The following APC variants were observed in gnomAD, a reference collection of about 807,000 sequenced individuals.
APC encodes the protein adenomatous polyposis coli protein.
A neutral mutation model predicts 247.0 loss-of-function variants in APC; 72 were observed. The observed-to-expected ratio is 0.29, with a 90% CI of 0.24 to 0.35. The LOEUF (loss-of-function observed/expected upper bound fraction) is 0.35, where lower values mean the gene tolerates loss of function less well. Ranked by LOEUF, APC falls within the 10% of genes least tolerant of loss-of-function variation. APC has a pLI of 1.00. For synonymous variants in APC, 1,254 were observed against 1,162.5 expected (o/e 1.08, Z -1.60); for missense variants, 3,400 against 3,360.7 (o/e 1.01, Z -0.29).
At chr5:112,770,980 G>C (rs538221768) in intron 4 of APC, among the ~76,000 whole-genome samples, 4 of 152,146 alleles carry the variant, frequency 2.6e-5, no homozygotes, top group African/African-American at 7.2e-5. Context: ...TGTTAAGACT[G>C]TTAACAGTTA....
intron 1 of APC, among the ~76,000 whole-genome samples, chr5:112,742,759 A>T (rs1465879518): frequency 6.6e-6 from 1 of 152,178 alleles, no homozygotes; most frequent in Non-Finnish European, 1.5e-5. Context: ...TCTTTATTAG[A>T]TATGAGTCAC....
intron 8 of APC, among the ~76,000 whole-genome samples, chr5:112,809,227 A>G (rs1265348311): frequency 2.6e-5 from 4 of 151,606 alleles, no homozygotes; most frequent in South Asian, 2.1e-4. Flanking sequence ...GCGTGGTGGC[A>G]TGTGCCTGAG....
At chr5:112,835,801 G>A (rs1399353775) in intron 15 of APC, among the ~76,000 whole-genome samples, 1 of 151,664 alleles carries the variant, frequency 6.6e-6, no homozygotes, top group Non-Finnish European at 1.5e-5. Context: ...TTGAACTCCT[G>A]GCCTCCAGTG....
chr5:112,811,165 G>A (rs199744971), intron 8 of APC, among the ~76,000 whole-genome samples: 1 of 152,222 alleles, frequency 6.6e-6, no homozygotes, highest in East Asian at 1.9e-4. Flanking sequence ...AGTTGGATAG[G>A]AAAAAGGACA....
chr5:112,729,017 C>A (rs573565483), intron 1 of APC, among the ~76,000 whole-genome samples: 1 of 152,256 alleles, frequency 6.6e-6, no homozygotes, highest in Non-Finnish European at 1.5e-5. Flanking sequence ...TCTCTGAAAT[C>A]TTTTTTGATT....
Position 112,837,784 on chromosome 5 carries a change from G to A in APC, c.2190G>A (p.Met730Ile), listed in dbSNP as rs1281171015. The A allele has an allele frequency of 6.2e-7, 1 of 1,614,022 alleles. No individual in the cohort carries two copies. Among genetic ancestry groups the A allele is most frequent in the Admixed American group, 1.7e-5 (1 of 60,014 alleles). The change falls in exon 16 of 16, where the codon ATG becomes ATA. Residue 730 changes from methionine to isoleucine, a missense_variant. Coordinates refer to ENST00000257430, the MANE Select transcript of APC (RefSeq NM_000038.6). ...GTGCTGCAGCTTTAAGGAATCTCAT[G>A]GCAAATAGGCCTGCGAAGTACAAGG... ...MGSAAALRNL[M>I]ANRPAKYKDA... is the part of the protein sequence containing the mutation.
chr5:112,722,821 T>G (rs1322428714), intron 1 of APC, among the ~76,000 whole-genome samples: 1 of 152,168 alleles, frequency 6.6e-6, no homozygotes, highest in African/African-American at 2.4e-5. Flanking sequence ...AACCTCCACG[T>G]GTTCAGCTAT....
chr5:112,764,671 A>G (rs1437090259), intron 2 of APC, among the ~76,000 whole-genome samples: 1 of 152,214 alleles, frequency 6.6e-6, no homozygotes, highest in East Asian at 1.9e-4. Flanking sequence ...GATTCGAGAC[A>G]TGTCATTGGA....
intron 1 of APC, among the ~76,000 whole-genome samples, chr5:112,754,223 A>G (rs1241762515): frequency 3.3e-5 from 5 of 152,200 alleles, no homozygotes; most frequent in Non-Finnish European, 7.3e-5. Context: ...CTTTTGAATA[A>G]ATGTGATTGA....
At position 112,827,978 on chromosome 5, in the gene APC, T is replaced by G. The variant is rs1763880906; in HGVS notation, c.1598T>G (p.Leu533Arg). The change falls in exon 13 of 16, where the codon CTA becomes CGA. Residue 533 changes from leucine to arginine, a missense_variant. Coordinates refer to ENST00000257430, the MANE Select transcript of APC (RefSeq NM_000038.6). ...TGCATGAGAGCACTTGTGGCCCAACTAAAATCTGAAAGTGAAGACTTACAG... is the reference window on the plus strand; with the variant it reads ...TGCATGAGAGCACTTGTGGCCCAACGAAAATCTGAAAGTGAAGACTTACAG... ...KGCMRALVAQ[L>R]KSESEDLQQV... 1 of 1,613,110 alleles carries G rather than the reference T, an allele frequency of 6.2e-7. No individual in the cohort carries two copies. Among genetic ancestry groups the G allele is most frequent in the Non-Finnish European group, 8.5e-7 (1 of 1,179,912 alleles).
chr5:112,838,184 C>A lies in APC; in HGVS notation c.2590C>A (p.His864Asn), dbSNP rs772211112. The A allele has an allele frequency of 6.2e-7, 1 of 1,614,094 alleles. No individual in the cohort carries two copies. The highest frequency in any genetic ancestry group is 8.5e-7 in the Non-Finnish European group (1 of 1,180,008). The change falls in exon 16 of 16, where the codon CAT becomes AAT. Residue 864 changes from histidine (H) to asparagine (N), a missense_variant. Transcript: ENST00000257430. ...ACGCGGAATTGGTCTAGGCAACTAC[C>A]ATCCAGCAACAGAAAATCCAGGAAC... ...RERGIGLGNY[H>N]PATENPGTSS... is the part of the protein sequence containing the mutation.
chr5:112,843,734 C>T lies in APC; in HGVS notation c.8140C>T (p.Arg2714Cys), dbSNP rs864622205. 2.5e-6 allele frequency: 4 copies of T among 1,613,920 alleles called. No individual in the cohort carries two copies. Among genetic ancestry groups the T allele is most frequent in the Admixed American group, 1.7e-5 (1 of 60,002 alleles). Reference protein sequence around the residue: ...QNVGNGSVPMRTVGLENRLNS... With the variant: ...QNVGNGSVPMCTVGLENRLNS... ...TGTGGGTAATGGCAGTGTTCCCATGCGTACCGTGGGTTTGGAAAATCGCCT... is the reference window on the plus strand; with the variant it reads ...TGTGGGTAATGGCAGTGTTCCCATGTGTACCGTGGGTTTGGAAAATCGCCT... The change falls in exon 16 of 16, where the codon CGT becomes TGT. Residue 2714 changes from arginine (R) to cysteine (C), a missense_variant. Arg to Cys is a radical substitution (Grantham distance 180). Around this residue, in one of 9 missense-constraint regions of APC, gnomAD observed 1,788 missense variants for 1,649.5 expected, o/e 1.08. Transcript: ENST00000257430. This position sits in a 1 kb window ranked among gnomAD's most constrained non-coding sequence, Gnocchi z 4.8.
chr5:112,764,071 A>C (rs1307907865), intron 2 of APC, among the ~76,000 whole-genome samples: 1 of 108,392 alleles, frequency 9.2e-6, no homozygotes, highest in Non-Finnish European at 2.0e-5. Flanking sequence ...CCCCGTCTCT[A>C]CTATACTAAA....
In APC at chr5:112,821,966, G is replaced by A. The variant is rs1561546239; in HGVS notation, c.1383G>A (p.Glu461=). 1.2e-6 allele frequency: 2 copies of A among 1,612,418 alleles called. No individual in the cohort carries two copies. The highest frequency in any genetic ancestry group is 1.1e-5 in the South Asian group (1 of 91,036). ...TAATGAAACTTTCATTTGATGAAGA[G>A]CATAGACATGCAATGAATGAACTAG... The part of the protein sequence containing the change: ...CVLMKLSFDE[E]HRHAMNELGG... The change falls in exon 11 of 16, where the codon GAG becomes GAA. Residue 461 remains glutamate (E), a synonymous_variant. Transcript: ENST00000257430.
chr5:112,810,057 C>G (rs991037681), intron 8 of APC: 1 of 445,164 alleles, frequency 2.2e-6, no homozygotes, highest in Non-Finnish European at 4.5e-6. Context: ...TGTGAACTGC[C>G]CAAGAGAGAA....
At chr5:112,833,779 T>A (rs1329223038) in intron 14 of APC, among the ~76,000 whole-genome samples, 1 of 152,216 alleles carries the variant, frequency 6.6e-6, no homozygotes, top group Non-Finnish European at 1.5e-5. Context: ...GCTTTTCTAG[T>A]ACCCTTTATT....
intron 1 of APC, among the ~76,000 whole-genome samples, chr5:112,728,231 G>A (rs111934978): frequency 0.018 from 2,705 of 152,100 alleles, 98 homozygotes; most frequent in African/African-American, 0.061. Context: ...GGGTTCAAGC[G>A]ATTCCCCTGC....
intron 4 of APC, among the ~76,000 whole-genome samples, chr5:112,774,464 ATT>A (rs35554771): frequency 1.1e-4 from 13 of 121,254 alleles, no homozygotes; most frequent in African/African-American, 1.2e-4. Flanking sequence ...TGCAAGATCG[ATT>A]TTTTTTTTTT....
At chr5:112,713,802 C>G (rs973005363) in intron 1 of APC, among the ~76,000 whole-genome samples, 34 of 152,062 alleles carry the variant, frequency 2.2e-4, no homozygotes, top group African/African-American at 7.5e-4. Flanking sequence ...AAGTAGCTGG[C>G]GCCTGCCACC....
Sources: gnomAD v4.1 joint callset for allele counts (sites outside exome capture counted in the v4.1 genomes callset) on GRCh38, gnomAD v4.1.1 for gene constraint, gnomAD v4.1.1 regional missense constraint, Gnocchi (gnomAD v3.1) non-coding constraint, MANE v1.5 for transcripts, NCBI Gene and HGNC (gene_info 2026-07-23, HGNC 2026-07-21) for gene names.